Variants in LRMDA observed in about 807,000 individuals in gnomAD.
LRMDA encodes leucine rich melanocyte differentiation associated.
LRMDA carries 18 observed loss-of-function variants against 29.8 expected under a neutral mutation model. That is an observed-to-expected ratio of 0.60 (90% CI 0.42 to 0.90). LRMDA has a LOEUF of 0.90. Among genes scored for constraint, LRMDA ranks in the 40% least tolerant of loss-of-function variants. The pLI, the probability that LRMDA is intolerant of heterozygous loss-of-function variation, is 0.00. For missense variants in LRMDA, 273 were observed against 273.9 expected (o/e 1.00, Z 0.02); for synonymous variants, 125 against 109.4 (o/e 1.14, Z -0.89).
rs150955000 is a variant in LRMDA at position 75,657,762 on chromosome 10, T to C, written c.131+219268T>C. On this transcript the variant is annotated intron_variant, in intron 2 of 6. Transcript: ENST00000611255. ...GTTGGGGGGCAAACTGGTGGGCAAA[T>C]TGGGGAGGCTGTTTAAGCAATTTCG... Among the ~76,000 whole-genome samples, 453 of 152,182 alleles carry C rather than the reference T, an allele frequency of 3.0e-3. 5 individuals carry two copies. Among genetic ancestry groups the C allele is most frequent in the African/African-American group, 0.01 (425 of 41,522 alleles).
chr10:76,419,255 A>G (rs1421607814), intron 6 of LRMDA, among the ~76,000 whole-genome samples: 1 of 151,964 alleles, frequency 6.6e-6, no homozygotes, highest in Admixed American at 6.6e-5. Context: ...CCTCCCTCCT[A>G]ACTATTCCCT....
chr10:76,517,359 T>G (rs998480559), intron 6 of LRMDA, among the ~76,000 whole-genome samples: 1 of 152,126 alleles, frequency 6.6e-6, no homozygotes, highest in African/African-American at 2.4e-5. Context: ...AGACAAAAGT[T>G]ACCTATAAAG....
intron 2 of LRMDA, among the ~76,000 whole-genome samples, chr10:75,851,033 A>G (rs1248891325): frequency 1.3e-5 from 2 of 152,194 alleles, no homozygotes; most frequent in Admixed American, 6.5e-5. Context: ...GAAGAGGATC[A>G]TTTTGGTGGT....
intron 6 of LRMDA, among the ~76,000 whole-genome samples, chr10:76,381,800 G>A (rs975227697): frequency 5.9e-5 from 9 of 152,026 alleles, no homozygotes; most frequent in Non-Finnish European, 1.0e-4. Context: ...ATCTTGTATT[G>A]TCCTGTGAAG....
intron 6 of LRMDA, among the ~76,000 whole-genome samples, chr10:76,382,991 T>A (rs1841611267): frequency 6.6e-6 from 1 of 152,246 alleles, no homozygotes; most frequent in South Asian, 2.1e-4. Context: ...GGACAATTAC[T>A]GTTTTTAGTG....
chr10:75,893,945 A>C (rs11001537), intron 2 of LRMDA, among the ~76,000 whole-genome samples: 336 of 140,104 alleles, frequency 2.4e-3, no homozygotes, highest in African/African-American at 5.9e-3. Flanking sequence ...AAAAAAAAAA[A>C]CAAAAAAAAA....
At chr10:76,508,078 A>G (rs1842976225) in intron 6 of LRMDA, among the ~76,000 whole-genome samples, 1 of 152,188 alleles carries the variant, frequency 6.6e-6, no homozygotes, top group African/African-American at 2.4e-5. Context: ...TAGATGATGC[A>G]TATTTGGCCA....
Position 76,148,650 on chromosome 10 carries a change from G to A in LRMDA, c.516+89867G>A, listed in dbSNP as rs187236466. On this transcript the variant is annotated intron_variant, in intron 5 of 6. Coordinates refer to ENST00000611255, the MANE Select transcript of LRMDA (RefSeq NM_001305581.2). ...ACCCCTTGCACTTCCTGGGTGAGGCGATGCCTTCCCCTGCTACTGCTCGTG... is the reference window on the plus strand; with the variant it reads ...ACCCCTTGCACTTCCTGGGTGAGGCAATGCCTTCCCCTGCTACTGCTCGTG... Among the ~76,000 whole-genome samples the A allele has an allele frequency of 3.0e-3, 451 of 152,242 alleles. 1 individual carries two copies. Among genetic ancestry groups the A allele is most frequent in the African/African-American group, 8.9e-3 (371 of 41,548 alleles).
At chr10:76,511,739 G>T (rs1420827842) in intron 6 of LRMDA, among the ~76,000 whole-genome samples, 1 of 151,126 alleles carries the variant, frequency 6.6e-6, no homozygotes, top group Non-Finnish European at 1.5e-5. Context: ...CAAAATAATA[G>T]AAAGTCCATA....
intron 2 of LRMDA, among the ~76,000 whole-genome samples, chr10:75,502,674 G>A (rs1340629370): frequency 6.6e-6 from 1 of 152,200 alleles, no homozygotes; most frequent in Non-Finnish European, 1.5e-5. Context: ...TACTCTTGCT[G>A]TTTCTTCCAA....
At chr10:75,808,404 C>T (rs1201734902) in intron 2 of LRMDA, among the ~76,000 whole-genome samples, 3 of 152,238 alleles carry the variant, frequency 2.0e-5, no homozygotes, top group Non-Finnish European at 2.9e-5. Context: ...CACATCTTAA[C>T]ATATGGTTCC....
chr10:76,071,040 C>T (rs964324635), intron 5 of LRMDA, among the ~76,000 whole-genome samples: 1 of 152,122 alleles, frequency 6.6e-6, no homozygotes, highest in Non-Finnish European at 1.5e-5. Context: ...GAAAGGATGC[C>T]TGGTGCAGAA....
Position 75,567,364 on chromosome 10 carries a change from C to T in LRMDA, c.131+128870C>T, listed in dbSNP as rs77043306. 4.4e-4 allele frequency among the ~76,000 whole-genome samples: 67 copies of T among 152,312 alleles called. 5 individuals are homozygous for T. In the East Asian group the frequency reaches 0.013, roughly 29 times the overall value. ...CCCATTTCCTTTCTGTGGCATCCCC[C>T]TACTAACTAATGATTACTTTTAGAA... On this transcript the variant is annotated intron_variant, in intron 2 of 6. Coordinates refer to ENST00000611255, the MANE Select transcript of LRMDA (RefSeq NM_001305581.2).
At chr10:75,805,947 G>T (rs951798764) in intron 2 of LRMDA, among the ~76,000 whole-genome samples, 2 of 152,166 alleles carry the variant, frequency 1.3e-5, no homozygotes, top group Non-Finnish European at 2.9e-5. Flanking sequence ...CATAAGAAAA[G>T]AGGTTTAATT....
intron 6 of LRMDA, among the ~76,000 whole-genome samples, chr10:76,483,315 T>C (rs1013412981): frequency 6.6e-6 from 1 of 151,958 alleles, no homozygotes; most frequent in African/African-American, 2.4e-5. Context: ...TTGATGGTAG[T>C]ATACAGACAA....
chr10:76,422,077 G>A (rs533030877), intron 6 of LRMDA, among the ~76,000 whole-genome samples: 8 of 152,082 alleles, frequency 5.3e-5, no homozygotes, highest in Admixed American at 3.9e-4. Flanking sequence ...AGTTTTTCAG[G>A]GTCCTCGCTG....
intron 2 of LRMDA, among the ~76,000 whole-genome samples, chr10:75,939,448 A>G (rs996842628): frequency 3.9e-5 from 6 of 152,130 alleles, no homozygotes; most frequent in Admixed American, 2.0e-4. Context: ...GAGAAAAGGC[A>G]TATCTGCTCT....
At chr10:75,621,979 GC>G (rs1472068257) in intron 2 of LRMDA, among the ~76,000 whole-genome samples, 1 of 152,150 alleles carries the variant, frequency 6.6e-6, no homozygotes, top group Non-Finnish European at 1.5e-5. Context: ...AGGGGTTTTA[GC>G]CATTTCTCTG....
chr10:75,814,480 A>C (rs1188754663), intron 2 of LRMDA, among the ~76,000 whole-genome samples: 1 of 152,208 alleles, frequency 6.6e-6, no homozygotes, highest in Non-Finnish European at 1.5e-5. Flanking sequence ...TGGCAGCCTT[A>C]TCAGCATGTT....
Sources: gnomAD v4.1 joint callset for allele counts (sites outside exome capture counted in the v4.1 genomes callset) on GRCh38, gnomAD v4.1.1 for gene constraint, MANE v1.5 for transcripts, NCBI Gene and HGNC (gene_info 2026-07-23, HGNC 2026-07-21) for gene names.